C2CD2: variants seen among roughly 807,000 people sequenced by gnomAD.
C2CD2 encodes the protein C2 domain-containing protein 2.
Under a neutral mutation model 74.3 loss-of-function variants are expected in C2CD2, and 43 were observed. That is an observed-to-expected ratio of 0.58 (90% CI 0.45 to 0.75). C2CD2 has a LOEUF of 0.75. Among genes scored for constraint, C2CD2 ranks in the 30% least tolerant of loss-of-function variants. C2CD2 has a pLI of 0.00. For missense variants in C2CD2, 801 were observed against 916.3 expected, an observed-to-expected ratio of 0.87 and a Z score of 1.63; for synonymous variants, 422 against 390.7, an observed-to-expected ratio of 1.08 and a Z score of -0.94.
intron 3 of C2CD2, among the ~76,000 whole-genome samples, chr21:41,920,041 G>T (rs1283388900): frequency 6.6e-6 from 1 of 152,204 alleles, no homozygotes; most frequent in African/African-American, 2.4e-5. Context: ...GCCAAAAAAT[G>T]GGGTGCCTCA....
chr21:41,914,166 T>C (rs541818634), intron 6 of C2CD2, among the ~76,000 whole-genome samples: 139 of 151,846 alleles, frequency 9.2e-4, no homozygotes, highest in Non-Finnish European at 1.6e-3. Flanking sequence ...GTGGAGGTTG[T>C]AGTGAGCCGA....
At chr21:41,952,786 T>C (rs1289835091) in intron 1 of C2CD2, among the ~76,000 whole-genome samples, 1 of 152,220 alleles carries the variant, frequency 6.6e-6, no homozygotes, top group African/African-American at 2.4e-5. Context: ...TTTCCTCATC[T>C]GTAAAACAGT....
intron 1 of C2CD2, among the ~76,000 whole-genome samples, chr21:41,949,379 G>A (rs1351696182): frequency 6.6e-6 from 1 of 152,216 alleles, no homozygotes; most frequent in Admixed American, 6.5e-5. Context: ...CTGAGACTGA[G>A]CCAGTTCTGG....
intron 10 of C2CD2, among the ~76,000 whole-genome samples, chr21:41,906,754 T>C (rs1177729135): frequency 2.0e-5 from 3 of 152,230 alleles, no homozygotes; most frequent in South Asian, 4.1e-4. Flanking sequence ...GAATATACCA[T>C]GGGAATTGAA....
At position 41,918,169 on chromosome 21, in the gene C2CD2, A is replaced by G. The variant is rs1332496297; in HGVS notation, c.656T>C (p.Leu219Ser). The change falls in exon 5 of 14, where the codon TTG (leucine) becomes TCG (serine). Residue 219 changes from leucine (L) to serine (S), a missense_variant. Transcript: ENST00000380486. ...SDVLKDILKH[L>S]AGSASPSVVL... ...CACTGATGGAGAGGCAGAACCAGCC[A>G]AATGCTTCAAGATGTCCTTGAGAAC... 6.2e-7 allele frequency: 1 copy of G among 1,614,158 alleles called. No individual in the cohort carries two copies. The highest frequency in any genetic ancestry group is 2.2e-5 in the East Asian group (1 of 44,880).
intron 1 of C2CD2, 178 bp downstream of exon 1, chr21:41,953,192 C>T (rs2065464137): frequency 4.8e-6 from 2 of 414,566 alleles, no homozygotes; most frequent in Non-Finnish European, 8.5e-6. Context: ...TGTCTTGTCT[C>T]TCCGTCAAGG....
chr21:41,907,633 C>T (rs767354372), intron 9 of C2CD2, 27 bp downstream of exon 9: 29 of 1,600,110 alleles, frequency 1.8e-5, no homozygotes, highest in African/African-American at 1.2e-4. Context: ...AGCCGGAACC[C>T]GGCCGCGGCG....
chr21:41,920,021 G>A (rs2146196383), intron 3 of C2CD2, among the ~76,000 whole-genome samples: 1 of 152,310 alleles, frequency 6.6e-6, no homozygotes, highest in South Asian at 2.1e-4. Context: ...CGTGGAGGAA[G>A]GCACCCTGAG....
rs1330105450 is a variant in C2CD2, at chr21:41,903,486, G to C, written c.1433-1737C>G. 3.3e-5 allele frequency among the ~76,000 whole-genome samples: 5 copies of C among 151,918 alleles called. No homozygotes were observed. The highest frequency in any genetic ancestry group is 7.4e-5 in the Non-Finnish European group (5 of 67,972). ...AGGACACCCAGTTGGTGTCTGCAGA[G>C]AAACAGAAAATTGCTTGCCATAGAA... On this transcript the variant is annotated intron_variant, in intron 11 of 13. Coordinates refer to ENST00000380486, the MANE Select transcript of C2CD2 (RefSeq NM_015500.2). This position sits in a 1 kb window ranked among gnomAD's most constrained non-coding sequence, Gnocchi z 4.5.
At chr21:41,918,788 C>A in intron 4 of C2CD2, 68 bp downstream of exon 4, 1 of 1,225,922 alleles carries the variant, frequency 8.2e-7, no homozygotes, top group Non-Finnish European at 1.2e-6. Context: ...CAGTTCCCCA[C>A]CGCAGACTGT....
intron 12 of C2CD2, among the ~76,000 whole-genome samples, chr21:41,900,134 C>T (rs913593369): frequency 3.3e-5 from 5 of 152,054 alleles, no homozygotes; most frequent in Non-Finnish European, 5.9e-5. Flanking sequence ...ATTAGCTGGT[C>T]GTAGTGGCGG....
At chr21:41,928,566 A>AAAAAAAC (rs2065236344) in intron 2 of C2CD2, among the ~76,000 whole-genome samples, 1 of 150,474 alleles carries the variant, frequency 6.6e-6, no homozygotes, top group Non-Finnish European at 1.5e-5. Context: ...AAAAAAAAAA[A>AAAAAAAC]AAGACAACTG....
At chr21:41,950,274 G>A (rs2065439615) in intron 1 of C2CD2, among the ~76,000 whole-genome samples, 1 of 152,214 alleles carries the variant, frequency 6.6e-6, no homozygotes, top group African/African-American at 2.4e-5. Flanking sequence ...CGGATGTGGG[G>A]GGCAGGCACG....
chr21:41,914,804 G>A, intron 5 of C2CD2, 83 bp from the exon 6 acceptor site: 10 of 1,256,728 alleles, frequency 8.0e-6, no homozygotes, highest in East Asian at 2.5e-5. Context: ...TCCTGTTATG[G>A]GGGGTGGTGG....
chr21:41,892,343 C>T lies in C2CD2; in HGVS notation c.1871-2999G>A, dbSNP rs1487514001. Among the ~76,000 whole-genome samples, 1 of 152,168 alleles carries T rather than the reference C, an allele frequency of 6.6e-6. No individual in the cohort carries two copies. The highest frequency in any genetic ancestry group is 1.5e-5 in the Non-Finnish European group (1 of 68,010). ...TCAGAAAGGGTGGCCCTGCTAGCAC[C>T]AGCAGCTCAGACTTCCAGCCTCCAG... On this transcript the variant is annotated intron_variant, in intron 13 of 13. Coordinates refer to ENST00000380486, the MANE Select transcript of C2CD2 (RefSeq NM_015500.2). The surrounding 1 kb of genome is among the most constrained non-coding windows in gnomAD (Gnocchi z 4.6).
At chr21:41,942,933 G>T in intron 1 of C2CD2, 1 of 982,888 alleles carries the variant, frequency 1.0e-6, no homozygotes, top group Non-Finnish European at 1.2e-6. Flanking sequence ...TGTGCCCGTG[G>T]CTCTGCATGT....
chr21:41,891,480 C>T (rs958708851), intron 13 of C2CD2, among the ~76,000 whole-genome samples: 1 of 152,180 alleles, frequency 6.6e-6, no homozygotes, highest in African/African-American at 2.4e-5. Context: ...TCAGAGGGCA[C>T]CTGCTGGGGA....
chr21:41,893,800 C>T (rs1177597236), intron 13 of C2CD2, among the ~76,000 whole-genome samples: 2 of 151,058 alleles, frequency 1.3e-5, no homozygotes, highest in Non-Finnish European at 2.9e-5. Flanking sequence ...CTCCCAGGCT[C>T]AAGCGACTCT....
chr21:41,907,009 G>A lies in C2CD2; in HGVS notation c.1301C>T (p.Ala434Val), dbSNP rs758229828. The change falls in exon 10 of 14, where the codon GCG (alanine) becomes GTG (valine). Residue 434 changes from alanine to valine, a missense_variant. By Grantham distance (64) the Ala-to-Val change is moderately conservative. Coordinates refer to ENST00000380486, the MANE Select transcript of C2CD2 (RefSeq NM_015500.2). ...KTKPRVDVGRASPLSSDSPVK... is the reference protein window; with the variant it reads ...KTKPRVDVGRVSPLSSDSPVK... ...TGTCTCACCAGAGCTCAGCGGGGAC[G>A]CCCTCCCCACGTCGACGCGAGGCTT... is the stretch of plus-strand genomic sequence containing the variant. 1.2e-5 allele frequency: 19 copies of A among 1,613,604 alleles called. No homozygotes were observed. Among genetic ancestry groups the A allele is most frequent in the Admixed American group, 3.3e-5 (2 of 59,998 alleles).
Sources: allele counts gnomAD v4.1 joint callset (sites outside exome capture counted in the v4.1 genomes callset), GRCh38; gene constraint gnomAD v4.1.1; non-coding constraint Gnocchi (gnomAD v3.1); transcripts MANE v1.5; gene names NCBI Gene and HGNC (gene_info 2026-07-23, HGNC 2026-07-21).